The following CTNND2 variants were observed in gnomAD, a reference collection of about 807,000 sequenced individuals.
The protein encoded by CTNND2 is catenin delta-2.
A neutral mutation model predicts 144.4 loss-of-function variants in CTNND2; 22 were observed. The ratio of observed to expected loss-of-function variants is 0.15; its 90% CI spans 0.11 to 0.22. CTNND2 has a LOEUF of 0.22. Ranked by LOEUF, CTNND2 falls within the 10% of genes least tolerant of loss-of-function variation. The probability of loss-of-function intolerance (pLI) is 1.00; values close to 1 mark genes in which losing one functional copy is unlikely to be tolerated. For synonymous variants in CTNND2, 751 were observed against 695.6 expected, an observed-to-expected ratio of 1.08 and a Z score of -1.25; for missense variants, 1,353 against 1,618.8, an observed-to-expected ratio of 0.84 and a Z score of 2.82.
chr5:11,487,940 A>G (rs1768986726), intron 3 of CTNND2, among the ~76,000 whole-genome samples: 1 of 152,172 alleles, frequency 6.6e-6, no homozygotes, highest in Non-Finnish European at 1.5e-5. Context: ...AGGAGGCTGT[A>G]TATCAGGCAG....
chr5:11,491,682 C>T (rs1158430414), intron 3 of CTNND2, among the ~76,000 whole-genome samples: 2 of 152,198 alleles, frequency 1.3e-5, no homozygotes, highest in African/African-American at 4.8e-5. Flanking sequence ...TCATGCCCGT[C>T]ATCACAGTTA....
chr5:11,209,137 T>C lies in CTNND2; in HGVS notation c.1762-9476A>G, dbSNP rs551971806. Among the ~76,000 whole-genome samples the C allele has an allele frequency of 2.0e-5, 3 of 152,342 alleles. No homozygotes were observed. In the South Asian group the frequency reaches 6.2e-4, roughly 32 times the overall value. On this transcript the variant is annotated intron_variant, in intron 10 of 21. Transcript: ENST00000304623. The stretch of plus-strand genomic sequence containing the variant: ...AAAAGGCTATAAATTCCCCAAAATT[T>C]ATTTATACTTTTAACACAATTTCAA...
At chr5:11,049,131 G>A (rs1745577918) in intron 16 of CTNND2, among the ~76,000 whole-genome samples, 1 of 152,220 alleles carries the variant, frequency 6.6e-6, no homozygotes, top group South Asian at 2.1e-4. Flanking sequence ...GGGAAGGTAA[G>A]TCACCTTCTG....
At chr5:11,236,888 G>T (rs1052664810) in intron 9 of CTNND2, 65 bp from the exon 10 acceptor site, 1 of 1,547,206 alleles carries the variant, frequency 6.5e-7, no homozygotes, top group Non-Finnish European at 8.9e-7. Context: ...TTAACACATG[G>T]TTAGCTCGTG....
intron 2 of CTNND2, among the ~76,000 whole-genome samples, chr5:11,652,231 G>A (rs868859505): frequency 9.9e-5 from 15 of 152,150 alleles, no homozygotes; most frequent in Admixed American, 2.6e-4. Context: ...GTTTAAAAGC[G>A]TGTAGCACCT....
chr5:11,162,530 T>C (rs192471983), intron 11 of CTNND2, among the ~76,000 whole-genome samples: 10 of 152,304 alleles, frequency 6.6e-5, no homozygotes, highest in Non-Finnish European at 1.3e-4. Flanking sequence ...CACATTCCAG[T>C]GAACTGATCA....
intron 2 of CTNND2, among the ~76,000 whole-genome samples, chr5:11,581,602 C>T (rs1026354017): frequency 1.3e-5 from 2 of 152,204 alleles, no homozygotes; most frequent in African/African-American, 2.4e-5. Flanking sequence ...CTTATTGGCT[C>T]CCTATCTGCA....
chr5:11,056,541 C>T (rs1162035124), intron 16 of CTNND2, among the ~76,000 whole-genome samples: 1 of 152,162 alleles, frequency 6.6e-6, no homozygotes, highest in African/African-American at 2.4e-5. Flanking sequence ...TGGTCTCCAA[C>T]TCTTGGGCTC....
intron 9 of CTNND2, among the ~76,000 whole-genome samples, chr5:11,295,428 A>C (rs1249322129): frequency 6.6e-6 from 1 of 152,194 alleles, no homozygotes; most frequent in Middle Eastern, 3.2e-3. Context: ...TATAGATTCA[A>C]TGCCATCCCC....
At chr5:11,760,946 T>C in intron 1 of CTNND2, among the ~76,000 whole-genome samples, 1 of 152,224 alleles carries the variant, frequency 6.6e-6, no homozygotes, top group Non-Finnish European at 1.5e-5. Flanking sequence ...TAACCTATTC[T>C]GCCTGTTATG....
At chr5:11,300,434 C>T (rs1239362322) in intron 9 of CTNND2, among the ~76,000 whole-genome samples, 4 of 152,116 alleles carry the variant, frequency 2.6e-5, no homozygotes, top group South Asian at 2.1e-4. Flanking sequence ...TCCCTCAAGT[C>T]GGGTCCAGCT....
At chr5:11,831,759 T>C (rs1394392022) in intron 1 of CTNND2, among the ~76,000 whole-genome samples, 5 of 151,848 alleles carry the variant, frequency 3.3e-5, no homozygotes. Context: ...TCACTGGAGA[T>C]AGGAAAGTCT....
chr5:11,016,094 A>G (rs1741574098), intron 18 of CTNND2, among the ~76,000 whole-genome samples: 1 of 152,242 alleles, frequency 6.6e-6, no homozygotes, highest in Non-Finnish European at 1.5e-5. Flanking sequence ...GATAAAAAAT[A>G]CAGTATTTGC....
intron 21 of CTNND2, among the ~76,000 whole-genome samples, chr5:10,980,730 T>A (rs1737125277): frequency 6.6e-6 from 1 of 152,182 alleles, no homozygotes. Context: ...AAAAAAAGGA[T>A]GAGTTCATGT....
At chr5:11,752,185 A>G (rs1788662639) in intron 1 of CTNND2, among the ~76,000 whole-genome samples, 1 of 151,892 alleles carries the variant, frequency 6.6e-6, no homozygotes, top group African/African-American at 2.4e-5. Context: ...TTTGCTGTGC[A>G]GAAACTCTTT....
rs192840287 is a variant in CTNND2 at position 11,590,949 on chromosome 5, T to C, written c.175-25893A>G. On this transcript the variant is annotated intron_variant, in intron 2 of 21. Coordinates refer to ENST00000304623, the MANE Select transcript of CTNND2 (RefSeq NM_001332.4). Reference sequence around the variant, plus strand: ...ATAGGGACACATTTAACACTTTTTATACAATTGCTTGTCTAGACCTAGATG... The same window carrying C: ...ATAGGGACACATTTAACACTTTTTACACAATTGCTTGTCTAGACCTAGATG... Among the ~76,000 whole-genome samples the C allele has an allele frequency of 5.3e-5, 8 of 152,370 alleles. No homozygotes were observed. The East Asian group carries it at 1.5e-3, about 29-fold the overall frequency.
intron 3 of CTNND2, among the ~76,000 whole-genome samples, chr5:11,488,995 T>C (rs947756573): frequency 6.6e-6 from 1 of 152,184 alleles, no homozygotes; most frequent in Non-Finnish European, 1.5e-5. Flanking sequence ...TTTTGGACTA[T>C]CACAAATAAA....
chr5:11,095,129 T>C (rs1751205687), intron 15 of CTNND2, among the ~76,000 whole-genome samples: 1 of 152,218 alleles, frequency 6.6e-6, no homozygotes, highest in Non-Finnish European at 1.5e-5. Flanking sequence ...AAACTTGTCA[T>C]TTTCTTACTC....
At chr5:11,497,403 A>T (rs1770059591) in intron 3 of CTNND2, among the ~76,000 whole-genome samples, 1 of 151,294 alleles carries the variant, frequency 6.6e-6, no homozygotes, top group African/African-American at 2.4e-5. Flanking sequence ...AGCTGTGAGC[A>T]CAGAGGGGGC....
Sources: gnomAD v4.1 joint callset for allele counts (sites outside exome capture counted in the v4.1 genomes callset) on GRCh38, gnomAD v4.1.1 for gene constraint, MANE v1.5 for transcripts, NCBI Gene and HGNC (gene_info 2026-07-23, HGNC 2026-07-21) for gene names.